The following MROH2A variants were observed in gnomAD, a reference collection of about 807,000 sequenced individuals.
MROH2A encodes the protein maestro heat like repeat family member 2A.
In MROH2A, 174 loss-of-function variants were observed where a neutral mutation model predicts 200.4. The ratio of observed to expected loss-of-function variants is 0.87; its 90% CI spans 0.77 to 0.98. The LOEUF (loss-of-function observed/expected upper bound fraction) is 0.98. MROH2A is among the 50% of genes least tolerant of loss of function. The pLI is 0.00. For synonymous variants in MROH2A, 829 were observed against 840.4 expected (o/e 0.99, Z 0.23); for missense variants, 2,045 against 2,139.6 (o/e 0.96, Z 0.87).
chr2:233,822,235 C>T lies in MROH2A; in HGVS notation c.3624C>T (p.Ala1208=), dbSNP rs899694225. 2.3e-5 allele frequency: 36 copies of T among 1,547,940 alleles called. No homozygotes were observed. Among genetic ancestry groups the T allele is most frequent in the Non-Finnish European group, 3.1e-5 (36 of 1,147,014 alleles). ...LQSRLSPRIS[A]TSKADIWRLA... Reference sequence around the variant, plus strand: ...CACGGCTCAGCCCCAGAATCAGTGCCACCTCCAAGGCTGACATCTGGCGCC... The same window carrying T: ...CACGGCTCAGCCCCAGAATCAGTGCTACCTCCAAGGCTGACATCTGGCGCC... Residue 1208 remains alanine, a synonymous_variant, in exon 32 of 42, where the codon GCC becomes GCT. Coordinates refer to ENST00000389758, the MANE Select transcript of MROH2A (RefSeq NM_001394639.1).
intron 29 of MROH2A, 48 bp from the exon 30 acceptor site, chr2:233,819,269 T>C (rs148703632): frequency 2.0e-4 from 307 of 1,525,660 alleles, no homozygotes; most frequent in Non-Finnish European, 2.6e-4. Flanking sequence ...GTGTCAGCAG[T>C]CATGGAGTGG....
Position 233,818,672 on chromosome 2 carries a change from T to C in MROH2A, c.3106T>C (p.Trp1036Arg), listed in dbSNP as rs768526085. 1.2e-5 allele frequency: 19 copies of C among 1,548,684 alleles called. No individual in the cohort carries two copies. The South Asian group carries it at 2.1e-4, about 17-fold the overall frequency. ...GACAGCAAGCCAGACCTGCTCCTTGTGGGGCCCTTCCAAGCAGAAGGAGCT... is the reference window on the plus strand; with the variant it reads ...GACAGCAAGCCAGACCTGCTCCTTGCGGGGCCCTTCCAAGCAGAAGGAGCT... ...DLHASQTCSL[W>R]GPSKQKELEK... Residue 1036 changes from tryptophan (W) to arginine (R), a missense_variant, in exon 29 of 42, where the codon TGG (tryptophan) becomes CGG (arginine). Trp to Arg is a moderately radical substitution (Grantham distance 101). Coordinates refer to ENST00000389758, the MANE Select transcript of MROH2A (RefSeq NM_001394639.1).
chr2:233,803,967 C>T, intron 16 of MROH2A, 84 bp from the exon 17 acceptor site: 1 of 1,490,302 alleles, frequency 6.7e-7, no homozygotes, highest in Non-Finnish European at 9.0e-7. Context: ...TCCAGCTCCT[C>T]CCTTTAAAAA....
In MROH2A at chr2:233,805,101, C is replaced by A; in HGVS notation, c.2042C>A (p.Ser681Tyr). Residue 681 changes from serine (S) to tyrosine (Y), a missense_variant, in exon 19 of 42, where the codon TCT becomes TAT. By Grantham distance (144) the Ser-to-Tyr change is moderately radical (BLOSUM62 -2). Coordinates refer to ENST00000389758, the MANE Select transcript of MROH2A (RefSeq NM_001394639.1). ...CAGATTGCGAGCTTTGACAGCCCCT[C>A]TCTGGAGAAGGTTTGTCTTCATAGG... The part of the protein sequence containing the change: ...NNQIASFDSP[S>Y]LEKGFLYRAL... 6.5e-7 allele frequency: 1 copy of A among 1,549,068 alleles called. No individual in the cohort carries two copies. The highest frequency in any genetic ancestry group is 1.2e-5 in the South Asian group (1 of 84,010).
chr2:233,816,697 G>C lies in MROH2A; in HGVS notation c.2857-84G>C, dbSNP rs548208543. ...GCATTGAAAGTCGATCTGAGTAGGAGGGTGAGGTGGGCAAAAGCTGGCCAG... is the reference window on the plus strand; with the variant it reads ...GCATTGAAAGTCGATCTGAGTAGGACGGTGAGGTGGGCAAAAGCTGGCCAG... On this transcript the variant is annotated intron_variant, in intron 26 of 41. Coordinates refer to ENST00000389758, the MANE Select transcript of MROH2A (RefSeq NM_001394639.1). 1.6e-5 allele frequency: 13 copies of C among 814,136 alleles called. No individual in the cohort carries two copies. In the African/African-American group the frequency reaches 2.0e-4, roughly 13 times the overall value. 50.4% of individuals were successfully genotyped at this position (814,136 alleles called of 1,614,324 possible).
chr2:233,797,294 A>G lies in MROH2A; in HGVS notation c.1252+981A>G, dbSNP rs1028559744. 2.0e-5 allele frequency among the ~76,000 whole-genome samples: 3 copies of G among 152,254 alleles called. No individual in the cohort carries two copies. In the East Asian group the frequency reaches 5.8e-4, roughly 29 times the overall value. On this transcript the variant is annotated intron_variant, in intron 11 of 41. Coordinates refer to ENST00000389758, the MANE Select transcript of MROH2A (RefSeq NM_001394639.1). ...TACGGACCAACATTTGCACTCAACAATCCAACTTTTTGTCAACCATCCAAA... is the reference window on the plus strand; with the variant it reads ...TACGGACCAACATTTGCACTCAACAGTCCAACTTTTTGTCAACCATCCAAA...
intron 29 of MROH2A, 114 bp downstream of exon 29, chr2:233,818,884 C>G (rs1202751292): frequency 1.5e-6 from 1 of 659,868 alleles, no homozygotes; most frequent in African/African-American, 1.8e-5. Context: ...TCTGGGGTCT[C>G]AGCTTCCACG....
At chr2:233,829,311 C>G (rs1704554062) in intron 37 of MROH2A, among the ~76,000 whole-genome samples, 2 of 152,092 alleles carry the variant, frequency 1.3e-5, no homozygotes, top group South Asian at 4.1e-4. Flanking sequence ...GGAAGGGTCT[C>G]CCCCTTTTAT....
Position 233,793,664 on chromosome 2 carries a change from T to A in MROH2A, c.671-9T>A, listed in dbSNP as rs1701928783. On this transcript the variant is annotated splice_polypyrimidine_tract_variant and intron_variant, in intron 6 of 41. Coordinates refer to ENST00000389758, the MANE Select transcript of MROH2A (RefSeq NM_001394639.1). ...GGCGCCAAGTGCATTCCCCTGTTGC[T>A]GTTGGTAGCCATGGAGACCTTCTGT... 2 of 1,377,010 alleles carry A rather than the reference T, an allele frequency of 1.5e-6. No individual in the cohort carries two copies. Among genetic ancestry groups the A allele is most frequent in the African/African-American group, 3.0e-5 (2 of 66,444 alleles). 85.3% of individuals were successfully genotyped at this position (1,377,010 alleles called of 1,614,324 possible).
Position 233,799,789 on chromosome 2 carries a change from G to T in MROH2A, c.1339G>T (p.Ala447Ser), listed in dbSNP as rs1408785525. Residue 447 changes from alanine to serine, a missense_variant, in exon 13 of 42, where the codon GCT becomes TCT. Coordinates refer to ENST00000389758, the MANE Select transcript of MROH2A (RefSeq NM_001394639.1). ...ISDTRSKVRM[A>S]ILHIIGQLAL... ...GGTCCTGTCCCCTCAGGTGAGGATGGCTATTCTCCACATCATTGGGCAGTT... is the reference window on the plus strand; with the variant it reads ...GGTCCTGTCCCCTCAGGTGAGGATGTCTATTCTCCACATCATTGGGCAGTT... 1 of 1,550,456 alleles carries T rather than the reference G, an allele frequency of 6.4e-7. No homozygotes were observed. Among genetic ancestry groups the T allele is most frequent in the Non-Finnish European group, 8.7e-7 (1 of 1,146,980 alleles).
chr2:233,809,040 C>A, intron 21 of MROH2A, 86 bp from the exon 22 acceptor site: 1 of 1,446,924 alleles, frequency 6.9e-7, no homozygotes, highest in Non-Finnish European at 9.3e-7. Context: ...TCAATGGATC[C>A]TTTGGTTGTG....
At chr2:233,787,593 A>AC (rs1701299751) in intron 3 of MROH2A, among the ~76,000 whole-genome samples, 1 of 37,204 alleles carries the variant, frequency 2.7e-5, no homozygotes, top group Non-Finnish European at 4.3e-5. Context: ...ATACATATAT[A>AC]TATTATATAT....
intron 11 of MROH2A, 47 bp downstream of exon 11, chr2:233,796,360 C>T (rs1445630648): frequency 9.5e-7 from 1 of 1,052,862 alleles, no homozygotes; most frequent in Non-Finnish European, 1.4e-6. Context: ...GTGGGGTAGG[C>T]AGGGTGGAGA....
At chr2:233,818,935 G>T (rs1304584113) in intron 29 of MROH2A, among the ~76,000 whole-genome samples, 165 bp downstream of exon 29, 6 of 152,248 alleles carry the variant, frequency 3.9e-5, no homozygotes, top group African/African-American at 1.4e-4. Context: ...GAAAGGGCCT[G>T]CAGTATGTCA....
chr2:233,792,535 G>A (rs757380245), intron 5 of MROH2A, among the ~76,000 whole-genome samples: 18 of 152,008 alleles, frequency 1.2e-4, no homozygotes, highest in Admixed American at 2.6e-4. Flanking sequence ...GGATGACCTC[G>A]ATCTCCTGAC....
chr2:233,787,996 T>TATATATACATATATATTATACATAC (rs1701434485), intron 3 of MROH2A, among the ~76,000 whole-genome samples: 1 of 9,126 alleles, frequency 1.1e-4, no homozygotes, highest in Non-Finnish European at 2.2e-4. Context: ...ATACATATAT[T>TATATATACATATATATTATACATAC]ATATATATAC....
At chr2:233,816,932 C>T (rs1268437582) in intron 27 of MROH2A, 47 bp downstream of exon 27, 1 of 1,152,508 alleles carries the variant, frequency 8.7e-7, no homozygotes, top group Admixed American at 2.2e-5. Flanking sequence ...CTGACATGCA[C>T]AGAAAAATTC....
At position 233,830,011 on chromosome 2, in the gene MROH2A, G is replaced by C. The variant is rs552992077; in HGVS notation, c.4602+236G>C. Reference sequence around the variant, plus strand: ...CACCTCACTAAGCAGTCTCAGCCCCGTGTCGGGGGACATGGTGTGGTGGCT... The same window carrying C: ...CACCTCACTAAGCAGTCTCAGCCCCCTGTCGGGGGACATGGTGTGGTGGCT... On this transcript the variant is annotated intron_variant, in intron 38 of 41. Transcript: ENST00000389758. Among the ~76,000 whole-genome samples the C allele has an allele frequency of 2.6e-5, 4 of 152,088 alleles. No homozygotes were observed. In the East Asian group the frequency reaches 7.7e-4, roughly 29 times the overall value.
chr2:233,787,914 A>T (rs1212580391), intron 3 of MROH2A, among the ~76,000 whole-genome samples: 3 of 1,290 alleles, frequency 2.3e-3, no homozygotes, highest in African/African-American at 6.2e-3. Context: ...CATATATATT[A>T]TATATATACA....
Sources: gnomAD v4.1 joint callset for allele counts (sites outside exome capture counted in the v4.1 genomes callset) on GRCh38, gnomAD v4.1.1 for gene constraint, MANE v1.5 for transcripts, NCBI Gene and HGNC (gene_info 2026-07-23, HGNC 2026-07-21) for gene names.